The following PTGFR variants were observed in gnomAD, a reference collection of about 807,000 sequenced individuals.
PTGFR encodes the protein prostaglandin F2-alpha receptor.
In PTGFR, 15 loss-of-function variants were observed where a neutral mutation model predicts 26.2. The observed-to-expected ratio is 0.57, with a 90% CI of 0.38 to 0.88. The LOEUF (loss-of-function observed/expected upper bound fraction) is 0.88, where lower values mean the gene tolerates loss of function less well. PTGFR is among the 40% of genes least tolerant of loss of function. PTGFR has a pLI of 0.00. For missense variants in PTGFR, 369 were observed against 427.2 expected (o/e 0.86, Z 1.20); for synonymous variants, 165 against 151.1 (o/e 1.09, Z -0.68).
At chr1:78,510,654 C>A (rs558792212) in intron 2 of PTGFR, among the ~76,000 whole-genome samples, 13 of 152,280 alleles carry the variant, frequency 8.5e-5, no homozygotes, top group African/African-American at 2.6e-4. Flanking sequence ...CCTGGCCCCC[C>A]CAAATCTCAT....
chr1:78,491,735 G>A (rs1649406282), intron 1 of PTGFR, among the ~76,000 whole-genome samples: 1 of 152,200 alleles, frequency 6.6e-6, no homozygotes, highest in African/African-American at 2.4e-5. Context: ...CCGTCCTGGG[G>A]GTAGCCTAGG....
intron 2 of PTGFR, among the ~76,000 whole-genome samples, chr1:78,522,063 T>G (rs2100386287): frequency 6.6e-6 from 1 of 152,076 alleles, no homozygotes; most frequent in Middle Eastern, 3.4e-3. Flanking sequence ...GGGGGAAGAA[T>G]CATTTTCAGA....
At chr1:78,536,097 A>G (rs992474823) in intron 2 of PTGFR, among the ~76,000 whole-genome samples, 1 of 152,192 alleles carries the variant, frequency 6.6e-6, no homozygotes, top group Non-Finnish European at 1.5e-5. Context: ...TGCATTTACT[A>G]TTCTCAGAAG....
chr1:78,514,412 C>A (rs1650044670), intron 2 of PTGFR, among the ~76,000 whole-genome samples: 1 of 152,086 alleles, frequency 6.6e-6, no homozygotes, highest in Admixed American at 6.6e-5. Flanking sequence ...TTGTGTGGGG[C>A]CTGTTGCCTC....
chr1:78,494,469 C>T (rs1649494260), intron 2 of PTGFR, among the ~76,000 whole-genome samples: 1 of 152,164 alleles, frequency 6.6e-6, no homozygotes, highest in Non-Finnish European at 1.5e-5. Flanking sequence ...AGATAGCAAT[C>T]CAGGTGGGGT....
intron 2 of PTGFR, among the ~76,000 whole-genome samples, chr1:78,529,164 A>G (rs1248397991): frequency 2.6e-5 from 4 of 152,178 alleles, no homozygotes; most frequent in African/African-American, 4.8e-5. Flanking sequence ...TGGAAAAAAC[A>G]TAATGTGTTA....
chr1:78,510,412 A>AAG (rs1314501350), intron 2 of PTGFR, among the ~76,000 whole-genome samples: 3 of 152,090 alleles, frequency 2.0e-5, no homozygotes, highest in Admixed American at 6.6e-5. Context: ...ATCATATGTC[A>AAG]AGAGAGAGAG....
chr1:78,533,485 A>C (rs572526786), intron 2 of PTGFR, among the ~76,000 whole-genome samples: 2 of 152,114 alleles, frequency 1.3e-5, no homozygotes, highest in Non-Finnish European at 2.9e-5. Flanking sequence ...GTGCATAATA[A>C]ATGGAGCCCA....
chr1:78,532,390 A>ATATATG (rs1650533795), intron 2 of PTGFR: 3 of 132,078 alleles, frequency 2.3e-5, no homozygotes, highest in South Asian at 5.9e-4. Context: ...ATATATATAT[A>ATATATG]TATATATGTA....
Position 78,523,657 on chromosome 1 carries a change from G to A in PTGFR, c.799-12749G>A, listed in dbSNP as rs1053104623. ...GTTTTTGGTAAGGATTATTAACACTGCAACAGAATTTTATTTTAGCTAATT... is the reference window on the plus strand; with the variant it reads ...GTTTTTGGTAAGGATTATTAACACTACAACAGAATTTTATTTTAGCTAATT... On this transcript the variant is annotated intron_variant, in intron 2 of 2. Coordinates refer to ENST00000370757, the MANE Select transcript of PTGFR (RefSeq NM_000959.4). Among the ~76,000 whole-genome samples the A allele has an allele frequency of 5.3e-5, 8 of 152,088 alleles. No individual in the cohort carries two copies. In the South Asian group the frequency reaches 1.7e-3, roughly 31 times the overall value.
chr1:78,515,001 G>A (rs1650060912), intron 2 of PTGFR, among the ~76,000 whole-genome samples: 1 of 152,078 alleles, frequency 6.6e-6, no homozygotes, highest in Non-Finnish European at 1.5e-5. Context: ...GCAAAACGGT[G>A]AGCCAACTAA....
chr1:78,503,167 C>A (rs1649750499), intron 2 of PTGFR, among the ~76,000 whole-genome samples: 1 of 151,936 alleles, frequency 6.6e-6, no homozygotes, highest in Non-Finnish European at 1.5e-5. Context: ...GATTAGAATA[C>A]AGCAGGTTAT....
intron 2 of PTGFR, among the ~76,000 whole-genome samples, chr1:78,494,794 CG>C (rs1649504995): frequency 6.6e-6 from 1 of 152,022 alleles, no homozygotes; most frequent in African/African-American, 2.4e-5. Flanking sequence ...TTAGTAGAGA[CG>C]GGTTTTCACC....
intron 1 of PTGFR, among the ~76,000 whole-genome samples, chr1:78,492,010 A>G (rs1001158471): frequency 1.3e-5 from 2 of 152,192 alleles, no homozygotes; most frequent in East Asian, 1.9e-4. Context: ...CCCCTTCCTC[A>G]TCGCGAATCA....
intron 2 of PTGFR, among the ~76,000 whole-genome samples, chr1:78,531,721 C>T (rs891956825): frequency 6.6e-6 from 1 of 151,876 alleles, no homozygotes; most frequent in South Asian, 2.1e-4. Flanking sequence ...TTCTGTTAAC[C>T]CTCCTAACTC....
Position 78,539,928 on chromosome 1 carries a change from T to C in PTGFR, c.*3241T>C, listed in dbSNP as rs1650754453. 6.6e-6 allele frequency among the ~76,000 whole-genome samples: 1 copy of C among 152,078 alleles called. No homozygotes were observed. The highest frequency in any genetic ancestry group is 1.5e-5 in the Non-Finnish European group (1 of 67,986). ...TCTCTCTTTTACCTGTGTCTCAACT[T>C]ACCTAGGCAAGTCATAATTTAGATA... On this transcript the variant is annotated 3_prime_UTR_variant, in exon 3 of 3. Coordinates refer to ENST00000370757, the MANE Select transcript of PTGFR (RefSeq NM_000959.4).
intron 2 of PTGFR, among the ~76,000 whole-genome samples, chr1:78,500,235 A>T (rs922969832): frequency 3.9e-5 from 6 of 152,204 alleles, no homozygotes; most frequent in African/African-American, 1.4e-4. Flanking sequence ...TTACCAGCTG[A>T]TTAAATGAAT....
chr1:78,515,594 G>C (rs3766346), intron 2 of PTGFR, among the ~76,000 whole-genome samples: 11 of 151,846 alleles, frequency 7.2e-5, no homozygotes, highest in Non-Finnish European at 1.3e-4. Context: ...TTTTTTTATT[G>C]GAGAAATTAC....
intron 2 of PTGFR, among the ~76,000 whole-genome samples, chr1:78,531,897 A>T (rs1431480481): frequency 6.6e-6 from 1 of 152,092 alleles, no homozygotes; most frequent in African/African-American, 2.4e-5. Context: ...ACATTATCTC[A>T]TTTCAATATG....
Sources: allele counts gnomAD v4.1 joint callset (sites outside exome capture counted in the v4.1 genomes callset), GRCh38; gene constraint gnomAD v4.1.1; transcripts MANE v1.5; gene names NCBI Gene and HGNC (gene_info 2026-07-23, HGNC 2026-07-21).